The following DEDD2 variants were observed in gnomAD, a reference collection of about 807,000 sequenced individuals.
DEDD2 encodes death effector domain containing 2, also known as DNA-binding death effector domain-containing protein 2.
Under a neutral mutation model 28.9 loss-of-function variants are expected in DEDD2, and 18 were observed. The observed-to-expected ratio is 0.62, with a 90% CI of 0.43 to 0.92. The LOEUF is 0.92. Among genes scored for constraint, DEDD2 ranks in the 40% least tolerant of loss-of-function variants. The pLI, the probability that DEDD2 is intolerant of heterozygous loss-of-function variation, is 0.00. For synonymous variants in DEDD2, 211 were observed against 206.1 expected (o/e 1.02, Z -0.20); for missense variants, 411 against 463.3 (o/e 0.89, Z 1.04).
At chr19:42,215,337 CCT>C in intron 2 of DEDD2, 85 bp from the exon 3 acceptor site, 1 of 1,554,242 alleles carries the variant, frequency 6.4e-7, no homozygotes, top group Non-Finnish European at 8.8e-7. Flanking sequence ...CCACGAGGTG[CCT>C]AAGTTCCCCA....
At chr19:42,206,574 G>A (rs960730341) in intron 4 of DEDD2, among the ~76,000 whole-genome samples, 1 of 152,166 alleles carries the variant, frequency 6.6e-6, no homozygotes, top group South Asian at 2.1e-4. Flanking sequence ...TCCTTTGCAA[G>A]ATGTCATCCC....
Position 42,199,897 on chromosome 19 carries a change from CT to C in DEDD2, c.590-69del. 1 of 1,491,346 alleles carries C rather than the reference CT, an allele frequency of 6.7e-7. No individual in the cohort carries two copies. Among genetic ancestry groups the C allele is most frequent in the Non-Finnish European group, 9.0e-7 (1 of 1,114,964 alleles). 92.4% of individuals were successfully genotyped at this position (1,491,346 alleles called of 1,614,324 possible). A position where few individuals can be genotyped will look rare whatever the true frequency, so the allele number is the denominator to read the frequency against. ...AGACACACTTATGGGGAACGCCACC[CT>C]TCCTCCCTCCAGCCTTCTCCCTCCA... On this transcript the variant is annotated intron_variant, in intron 4 of 4. Transcript: ENST00000596251. This position sits in a 1 kb window ranked among gnomAD's most constrained non-coding sequence, Gnocchi z 7.4.
At chr19:42,202,109 T>C (rs569011694) in intron 4 of DEDD2, 49 of 398,676 alleles carry the variant, frequency 1.2e-4, no homozygotes, top group Admixed American at 7.9e-4. Flanking sequence ...CTGCTGCACA[T>C]TGAAGTCACA....
At chr19:42,210,133 G>C (rs1430126738) in intron 3 of DEDD2, among the ~76,000 whole-genome samples, 1 of 152,094 alleles carries the variant, frequency 6.6e-6, no homozygotes, top group Non-Finnish European at 1.5e-5. Context: ...CGCCACCAGG[G>C]CATTGTTTAT....
intron 3 of DEDD2, among the ~76,000 whole-genome samples, chr19:42,210,878 G>A (rs1429697131): frequency 6.6e-6 from 1 of 151,678 alleles, no homozygotes; most frequent in Non-Finnish European, 1.5e-5. Context: ...AGACCAGTTT[G>A]ACCAACATGG....
intron 4 of DEDD2, among the ~76,000 whole-genome samples, chr19:42,200,979 G>A (rs985939473): frequency 1.5e-4 from 23 of 152,130 alleles, no homozygotes; most frequent in African/African-American, 4.1e-4. Context: ...CACACCCAAC[G>A]AGGCTGTCCT....
At chr19:42,214,414 C>T (rs1470925218) in intron 3 of DEDD2, among the ~76,000 whole-genome samples, 2 of 152,014 alleles carry the variant, frequency 1.3e-5, no homozygotes, top group Non-Finnish European at 2.9e-5. Flanking sequence ...GCCGAGATTG[C>T]ACCACTGCAC....
rs191885689 is a variant in DEDD2, at chr19:42,201,289, G to A, written c.590-1460C>T. ...GTGGATTCCCACACAGGAGCCTTCA[G>A]CAGTGTGACCTGTGACAAGTCACAA... On this transcript the variant is annotated intron_variant, in intron 4 of 4. Coordinates refer to ENST00000596251, the MANE Select transcript of DEDD2 (RefSeq NM_133328.4). Among the ~76,000 whole-genome samples the A allele has an allele frequency of 2.9e-4, 44 of 152,380 alleles. 1 individual carries two copies. The highest frequency in any genetic ancestry group is 3.4e-3 in the Middle Eastern group (1 of 294).
intron 4 of DEDD2, among the ~76,000 whole-genome samples, chr19:42,205,519 C>T (rs1788720652): frequency 6.6e-6 from 1 of 151,896 alleles, no homozygotes; most frequent in African/African-American, 2.4e-5. Flanking sequence ...CCTAGCTACT[C>T]GGGAGGCTGA....
In DEDD2 at chr19:42,199,337, A is replaced by G; in HGVS notation, c.*101T>C. 1 of 1,424,928 alleles carries G rather than the reference A, an allele frequency of 7.0e-7. No individual in the cohort carries two copies. Among genetic ancestry groups the G allele is most frequent in the Non-Finnish European group, 9.2e-7 (1 of 1,089,010 alleles). 88.3% of individuals were successfully genotyped at this position (1,424,928 alleles called of 1,614,324 possible). A position where few individuals can be genotyped will look rare whatever the true frequency, so the allele number is the denominator to read the frequency against. On this transcript the variant is annotated 3_prime_UTR_variant, in exon 5 of 5. Transcript: ENST00000596251. The surrounding 1 kb of genome is among the most constrained non-coding windows in gnomAD (Gnocchi z 7.4). The stretch of plus-strand genomic sequence containing the variant: ...TGTCCCGGTCCTGTCGCAGTCCTCA[A>G]AGATGCTAGAGTGACAGTCCTCTAG...
At position 42,215,172 on chromosome 19, in the gene DEDD2, T is replaced by G. The variant is rs753761196; in HGVS notation, c.409A>C (p.Ser137Arg). The change falls in exon 3 of 5, where the codon AGC becomes CGC. Residue 137 changes from serine to arginine, a missense_variant. Physicochemically the swap from Ser to Arg is moderately radical, Grantham distance 110 (BLOSUM62 -1). Coordinates refer to ENST00000596251, the MANE Select transcript of DEDD2 (RefSeq NM_133328.4). Reference protein sequence around the residue: ...EGSCRRRRQSSSSANSQQGQW... With the variant: ...EGSCRRRRQSRSSANSQQGQW... ...CCCTGCTGAGAATTTGCAGAACTGC[T>G]TGACTGCCGACGGCGACGGCAGCTA... 1.5e-5 allele frequency: 24 copies of G among 1,614,036 alleles called. No individual in the cohort carries two copies. In the African/African-American group the frequency reaches 3.2e-4, roughly 22 times the overall value.
chr19:42,210,388 A>G (rs1355395590), intron 3 of DEDD2, among the ~76,000 whole-genome samples: 1 of 152,036 alleles, frequency 6.6e-6, no homozygotes, highest in African/African-American at 2.4e-5. Flanking sequence ...ATGTCTAAAA[A>G]TACTTTTCAT....
chr19:42,212,037 C>CAATAATAATAATAATAAT lies in DEDD2; in HGVS notation c.449-2215_449-2198dup, dbSNP rs57863174. ...GGGCAACAAGAGTGAAACTCTTTCT[C>CAATAATAATAATAATAAT]AATAATAATAATAATAATAATAATA... is the stretch of plus-strand genomic sequence containing the variant. On this transcript the variant is annotated intron_variant, in intron 3 of 4. Transcript: ENST00000596251. 661 of 144,722 alleles carry CAATAATAATAATAATAAT rather than the reference C, an allele frequency of 4.6e-3. 8 individuals carry two copies. Among genetic ancestry groups the CAATAATAATAATAATAAT allele is most frequent in the African/African-American group, 0.016 (632 of 38,770 alleles). The allele number at this position is 144,722 out of a possible 1,614,324, so 9.0% of individuals were successfully genotyped here.
upstream of DEDD2, chr19:42,217,769 G>GCCC (rs2036047518): frequency 6.6e-6 from 1 of 152,330 alleles, no homozygotes; most frequent in African/African-American, 2.4e-5. Flanking sequence ...CGACCGCCAC[G>GCCC]CCCCTTCGGC....
At chr19:42,212,182 A>T (rs1333060786) in intron 3 of DEDD2, among the ~76,000 whole-genome samples, 1 of 151,944 alleles carries the variant, frequency 6.6e-6, no homozygotes, top group Non-Finnish European at 1.5e-5. Context: ...CCTGGCCAAC[A>T]TGGTGAAACT....
At position 42,199,085 on chromosome 19, in the gene DEDD2, G is replaced by C. The variant is rs940267949; in HGVS notation, c.*353C>G. ...GCAGTGTGAGCATGAGCGAGTGTGT[G>C]CACCTGTGACAGTGCAGACAGCCCA... On this transcript the variant is annotated 3_prime_UTR_variant, in exon 5 of 5. Coordinates refer to ENST00000596251, the MANE Select transcript of DEDD2 (RefSeq NM_133328.4). This position sits in a 1 kb window ranked among gnomAD's most constrained non-coding sequence, Gnocchi z 7.4. The C allele has an allele frequency of 3.5e-6, 1 of 281,916 alleles. No individual in the cohort carries two copies. The highest frequency in any genetic ancestry group is 5.6e-5 in the South Asian group (1 of 17,758). 17.5% of individuals were successfully genotyped at this position (281,916 alleles called of 1,614,324 possible). A position where few individuals can be genotyped will look rare whatever the true frequency, so the allele number is the denominator to read the frequency against.
Position 42,209,848 on chromosome 19 carries a change from GA to G in DEDD2, c.449-9del, listed in dbSNP as rs35825313. On this transcript the variant is annotated splice_polypyrimidine_tract_variant and intron_variant, in intron 3 of 4. Transcript: ENST00000596251. ...GCTTGGTTGGGGGGGAGCCTGAGGG[GA>G]AAAAAATGGGGCAAGTTGAGGACCA... is the stretch of plus-strand genomic sequence containing the variant. 16 of 1,506,846 alleles carry G rather than the reference GA, an allele frequency of 1.1e-5. No individual in the cohort carries two copies. In the Admixed American group the frequency reaches 1.4e-4, roughly 13 times the overall value. The allele number at this position is 1,506,846 out of a possible 1,614,324, so 93.3% of individuals were successfully genotyped here.
chr19:42,217,916 C>T (rs28364793), upstream of DEDD2, among the ~76,000 whole-genome samples: 437 of 152,296 alleles, frequency 2.9e-3, 15 homozygotes, highest in East Asian at 0.056. Flanking sequence ...ATCTGGTACC[C>T]GGTTCCAGGT....
chr19:42,206,408 C>T (rs750037161), intron 4 of DEDD2, among the ~76,000 whole-genome samples: 27 of 152,288 alleles, frequency 1.8e-4, no homozygotes, highest in Non-Finnish European at 3.1e-4. Flanking sequence ...ACAGCACAAG[C>T]TCAATGAGGG....
Sources: allele counts gnomAD v4.1 joint callset (sites outside exome capture counted in the v4.1 genomes callset), GRCh38; gene constraint gnomAD v4.1.1; non-coding constraint Gnocchi (gnomAD v3.1); transcripts MANE v1.5; gene names NCBI Gene and HGNC (gene_info 2026-07-23, HGNC 2026-07-21).